The following ABCG1 variants were observed in gnomAD, a reference collection of about 807,000 sequenced individuals.
ABCG1 encodes ATP binding cassette subfamily G member 1.
ABCG1 carries 29 observed loss-of-function variants against 69.2 expected under a neutral mutation model. The observed-to-expected ratio is 0.42, with a 90% CI of 0.31 to 0.57. ABCG1 has a LOEUF of 0.57. ABCG1 is among the 20% of genes least tolerant of loss of function. The pLI, the probability that ABCG1 is intolerant of heterozygous loss-of-function variation, is 0.15. For synonymous variants in ABCG1, 370 were observed against 374.8 expected (o/e 0.99, Z 0.15); for missense variants, 718 against 898.1 (o/e 0.80, Z 2.56).
chr21:42,284,372 G>A (rs567321948), intron 6 of ABCG1, among the ~76,000 whole-genome samples, 188 bp from the exon 7 acceptor site: 13 of 152,268 alleles, frequency 8.5e-5, no homozygotes, highest in Admixed American at 5.2e-4. Flanking sequence ...GCAAAGCCCT[G>A]CTGTGTGCCC....
intron 2 of ABCG1, among the ~76,000 whole-genome samples, chr21:42,266,631 C>T (rs1190511795): frequency 6.6e-6 from 1 of 152,238 alleles, no homozygotes; most frequent in East Asian, 1.9e-4. Context: ...CTCCTCCCAT[C>T]TCTGTCCTCT....
intron 2 of ABCG1, among the ~76,000 whole-genome samples, chr21:42,253,081 A>G (rs2068248492): frequency 1.3e-5 from 2 of 152,296 alleles, no homozygotes; most frequent in East Asian, 1.9e-4. Context: ...TTCAGGATGC[A>G]GTGGGCGAGG....
chr21:42,265,368 A>G (rs2068485032), intron 2 of ABCG1, among the ~76,000 whole-genome samples: 1 of 152,230 alleles, frequency 6.6e-6, no homozygotes, highest in Admixed American at 6.5e-5. Flanking sequence ...GTCACTGCAG[A>G]TGGCATTAGT....
chr21:42,256,984 C>G (rs1481738771), intron 2 of ABCG1, among the ~76,000 whole-genome samples: 1 of 152,226 alleles, frequency 6.6e-6, no homozygotes, highest in Non-Finnish European at 1.5e-5. Flanking sequence ...AATTGCAACT[C>G]CAGCAGCAGC....
intron 2 of ABCG1, among the ~76,000 whole-genome samples, chr21:42,245,647 C>T (rs2068120960): frequency 6.6e-6 from 1 of 152,202 alleles, no homozygotes. Context: ...GCCCAGAAGG[C>T]TGGATCTGCA....
rs377272380 is a variant in ABCG1 at position 42,219,298 on chromosome 21, C to G, written c.36C>G (p.Thr12=). Residue 12 remains threonine, a synonymous_variant, in exon 1 of 15, where the codon ACC becomes ACG. Coordinates refer to ENST00000398449, the MANE Select transcript of ABCG1 (RefSeq NM_016818.3). The surrounding 1 kb of genome is among the most constrained non-coding windows in gnomAD (Gnocchi z 5.3). ...ACLMAAFSVG[T]AMNASSYSAE... ...TGATGGCCGCTTTCTCGGTCGGCAC[C>G]GCCATGGTGAGTGAGCGCATCCTTC... is the stretch of plus-strand genomic sequence containing the variant. 1 of 1,596,100 alleles carries G rather than the reference C, an allele frequency of 6.3e-7. No homozygotes were observed. The highest frequency in any genetic ancestry group is 1.7e-5 in the Admixed American group (1 of 59,048).
rs920493424 is a variant in ABCG1 at position 42,288,428 on chromosome 21, C to A, written c.1224+116C>A. On this transcript the variant is annotated intron_variant, in intron 10 of 14. Transcript: ENST00000398449. The surrounding 1 kb of genome is among the most constrained non-coding windows in gnomAD (Gnocchi z 4.8). ...CATTGCTATAAAGAAATTCATGAGG[C>A]CAGGCATGGTGACTCATGTCTGTAA... 3.8e-6 allele frequency: 3 copies of A among 780,510 alleles called. No individual in the cohort carries two copies. The highest frequency in any genetic ancestry group is 1.7e-5 in the African/African-American group (1 of 58,014). The allele number at this position is 780,510 out of a possible 1,614,324, so 48.3% of individuals were successfully genotyped here. A position where few individuals can be genotyped will look rare whatever the true frequency, so the allele number is the denominator to read the frequency against.
At chr21:42,294,317 G>A (rs1380510667) in intron 13 of ABCG1, among the ~76,000 whole-genome samples, 2 of 152,212 alleles carry the variant, frequency 1.3e-5, no homozygotes, top group African/African-American at 2.4e-5. Context: ...TGGGCTGCAG[G>A]AGGCTCTGGG....
chr21:42,224,489 C>T (rs1451894419), intron 1 of ABCG1, among the ~76,000 whole-genome samples: 1 of 152,200 alleles, frequency 6.6e-6, no homozygotes, highest in Non-Finnish European at 1.5e-5. Flanking sequence ...AACCCACTTA[C>T]GCTGGCATCC....
chr21:42,294,817 C>A (rs1180511658), intron 14 of ABCG1, 157 bp downstream of exon 14: 3 of 665,512 alleles, frequency 4.5e-6, no homozygotes, highest in African/African-American at 1.8e-5. Flanking sequence ...CTGCTAGTTC[C>A]ACCTCCTCCT....
Position 42,288,024 on chromosome 21 carries a change from G to T in ABCG1, c.1109G>T (p.Arg370Leu). Residue 370 changes from arginine to leucine, a missense_variant, in exon 9 of 15, where the codon CGG becomes CTG. Transcript: ENST00000398449. This position sits in a 1 kb window ranked among gnomAD's most constrained non-coding sequence, Gnocchi z 4.8. ...DAEVNPFLWH[R>L]PSEEDSSSME... ...GAGGTGAACCCTTTTCTTTGGCACC[G>T]GCCCTCTGAAGAGGTAAAGCAGACA... The T allele has an allele frequency of 6.8e-6, 11 of 1,610,986 alleles. No homozygotes were observed. Among genetic ancestry groups the T allele is most frequent in the Non-Finnish European group, 9.3e-6 (11 of 1,178,198 alleles).
At chr21:42,270,929 G>A in intron 2 of ABCG1, 141 bp from the exon 3 acceptor site, 1 of 525,464 alleles carries the variant, frequency 1.9e-6, no homozygotes, top group East Asian at 3.2e-5. Flanking sequence ...TGAAGTTCAT[G>A]TTCTTCCCTG....
intron 1 of ABCG1, chr21:42,221,344 C>G (rs2067723262): frequency 6.6e-6 from 1 of 152,114 alleles, no homozygotes; most frequent in Non-Finnish European, 1.5e-5. Flanking sequence ...AACAAAGAGC[C>G]CTTCAGAGAT....
intron 2 of ABCG1, among the ~76,000 whole-genome samples, chr21:42,264,939 C>G (rs1256590613): frequency 6.6e-6 from 1 of 152,226 alleles, no homozygotes; most frequent in Non-Finnish European, 1.5e-5. Flanking sequence ...CACTAGCTCT[C>G]ATGGTTTCTG....
intron 1 of ABCG1, among the ~76,000 whole-genome samples, chr21:42,223,164 G>A (rs1344013959): frequency 3.3e-5 from 5 of 152,038 alleles, no homozygotes; most frequent in Admixed American, 2.0e-4. Flanking sequence ...CCAAATCCAC[G>A]CTCCAGCCCC....
At chr21:42,235,018 G>T (rs575197622) in intron 2 of ABCG1, among the ~76,000 whole-genome samples, 2 of 152,248 alleles carry the variant, frequency 1.3e-5, no homozygotes, top group South Asian at 4.1e-4. Flanking sequence ...GAGCGGGGTC[G>T]CAGCCTCCCT....
intron 6 of ABCG1, among the ~76,000 whole-genome samples, chr21:42,282,815 G>A (rs1052153689): frequency 6.6e-6 from 1 of 152,226 alleles, no homozygotes; most frequent in Non-Finnish European, 1.5e-5. Flanking sequence ...GAGGCTCAGA[G>A]ATGCCTGCAG....
At chr21:42,206,504 C>A (rs1199731276) in intron 2 of ABCG1, among the ~76,000 whole-genome samples, 1 of 152,150 alleles carries the variant, frequency 6.6e-6, no homozygotes, top group African/African-American at 2.4e-5. Flanking sequence ...CTTGAATGTG[C>A]ATTCTTCTGT....
rs1408362360 is a variant in ABCG1, at chr21:42,276,024, C to A, written c.538-871C>A. Among the ~76,000 whole-genome samples, 2 of 135,580 alleles carry A rather than the reference C, an allele frequency of 1.5e-5. No individual in the cohort carries two copies. The highest frequency in any genetic ancestry group is 2.7e-4 in the South Asian group (1 of 3,680). The allele number at this position is 135,580 out of a possible 152,430, so 88.9% of individuals were successfully genotyped here. ...CCCCCTCCCCGCCACCGCCCTGCAT[C>A]TCACCCTCTCCTCTGATCCTCACAG... On this transcript the variant is annotated intron_variant, in intron 4 of 14. Coordinates refer to ENST00000398449, the MANE Select transcript of ABCG1 (RefSeq NM_016818.3). The surrounding 1 kb of genome is among the most constrained non-coding windows in gnomAD (Gnocchi z 5.3).
Sources: allele counts gnomAD v4.1 joint callset (sites outside exome capture counted in the v4.1 genomes callset), GRCh38; gene constraint gnomAD v4.1.1; non-coding constraint Gnocchi (gnomAD v3.1); transcripts MANE v1.5; gene names NCBI Gene and HGNC (gene_info 2026-07-23, HGNC 2026-07-21).